Variants in RNF213 observed in about 807,000 individuals in gnomAD.
RNF213 encodes the protein E3 ubiquitin-protein ligase RNF213.
A neutral mutation model predicts 514.4 loss-of-function variants in RNF213; 341 were observed. That is an observed-to-expected ratio of 0.66 (90% CI 0.61 to 0.73). RNF213 has a LOEUF of 0.73. Ranked by LOEUF, RNF213 falls within the 30% of genes least tolerant of loss-of-function variation. The pLI is 0.00. For missense variants in RNF213, 5,767 were observed against 6,615.6 expected, an observed-to-expected ratio of 0.87 and a Z score of 4.45; for synonymous variants, 2,655 against 2,658.2, an observed-to-expected ratio of 1.00 and a Z score of 0.04.
At chr17:80,348,427 G>A (rs2078389947) in intron 29 of RNF213, 141 bp downstream of exon 29, 2 of 1,220,006 alleles carry the variant, frequency 1.6e-6, no homozygotes, top group Non-Finnish European at 2.4e-6. Context: ...CTCCTCCGCG[G>A]TAAGTGTGGG....
rs916155930 is a variant in RNF213, at chr17:80,393,775, TAAAC to T, written c.*278_*281del. On this transcript the variant is annotated 3_prime_UTR_variant, in exon 68 of 68. Transcript: ENST00000582970. ...AATGAAGATTAGATGAAATTGGAAATAAACCAACATTGTTTACATTCCAGGAGAC... is the reference window on the plus strand; with the variant it reads ...AATGAAGATTAGATGAAATTGGAAATCAACATTGTTTACATTCCAGGAGAC... 3 of 426,752 alleles carry T rather than the reference TAAAC, an allele frequency of 7.0e-6. No individual in the cohort carries two copies. The highest frequency in any genetic ancestry group is 6.9e-4 in the Middle Eastern group (1 of 1,440). The allele number at this position is 426,752 out of a possible 1,614,324, so 26.4% of individuals were successfully genotyped here.
intron 55 of RNF213, 31 bp from the exon 56 acceptor site, chr17:80,380,800 C>G (rs748318105): frequency 6.2e-7 from 1 of 1,614,100 alleles, no homozygotes; most frequent in Non-Finnish European, 8.5e-7. Context: ...CCAGCCTCAG[C>G]CTCTGTCTTG....
chr17:80,287,726 T>C, intron 3 of RNF213, 89 bp from the exon 4 acceptor site: 1 of 1,354,068 alleles, frequency 7.4e-7, no homozygotes, highest in Admixed American at 1.7e-5. Context: ...CTTGATGTAG[T>C]TGAGGAACGG....
In RNF213 at chr17:80,390,075, C is replaced by T. The variant is rs1447483396; in HGVS notation, c.15349C>T (p.Leu5117Phe). 1 of 1,614,226 alleles carries T rather than the reference C, an allele frequency of 6.2e-7. No homozygotes were observed. The highest frequency in any genetic ancestry group is 8.5e-7 in the Non-Finnish European group (1 of 1,180,040). ...ADLSPENAKL[L>F]STFLNQTGLD... ...TCTGAGCCCGGAAAATGCTAAGCTC[C>T]TCAGCACATTCCTAAATCAGACTGG... Residue 5117 changes from leucine (L) to phenylalanine (F), a missense_variant, in exon 67 of 68, where the codon CTC (leucine) becomes TTC (phenylalanine). Leu to Phe is a conservative substitution (Grantham distance 22). Coordinates refer to ENST00000582970, the MANE Select transcript of RNF213 (RefSeq NM_001256071.3).
chr17:80,374,004 C>CAAAAAAAAAAAAAA, intron 49 of RNF213, among the ~76,000 whole-genome samples: 1 of 96,208 alleles, frequency 1.0e-5, no homozygotes, highest in Non-Finnish European at 2.1e-5. Flanking sequence ...GACTCCGTCT[C>CAAAAAAAAAAAAAA]AAAAAAAAAA....
chr17:80,381,166 G>A, intron 56 of RNF213, 179 bp downstream of exon 56: 1 of 711,758 alleles, frequency 1.4e-6, no homozygotes. Flanking sequence ...TGATGGTATG[G>A]GGGGAACTAC....
At chr17:80,386,917 C>T (rs1345534580) in intron 63 of RNF213, 26 bp downstream of exon 63, 17 of 1,591,954 alleles carry the variant, frequency 1.1e-5, no homozygotes, top group South Asian at 1.0e-4. Context: ...GCCACTGCTG[C>T]TCATTTGGTG....
In RNF213 at chr17:80,376,294, CT is replaced by C. The variant is rs2079757209; in HGVS notation, c.13186-6del. Reference sequence around the variant, plus strand: ...TACATCTTAATGTTAAGTTTTTTTCCTGTCAGCAATGTGAAGCTGTGAGCAA... The same window carrying C: ...TACATCTTAATGTTAAGTTTTTTTCCGTCAGCAATGTGAAGCTGTGAGCAA... On this transcript the variant is annotated splice_region_variant and splice_polypyrimidine_tract_variant and intron_variant, in intron 51 of 67. Coordinates refer to ENST00000582970, the MANE Select transcript of RNF213 (RefSeq NM_001256071.3). 1 of 1,614,102 alleles carries C rather than the reference CT, an allele frequency of 6.2e-7. No homozygotes were observed. The highest frequency in any genetic ancestry group is 2.2e-5 in the East Asian group (1 of 44,884).
In RNF213 at chr17:80,385,568, T is replaced by C; in HGVS notation, c.14486T>C (p.Ile4829Thr). Reference sequence around the variant, plus strand: ...TTGAGGCAGCTGCTTCACAACAGGATCACAGTCTTTCTGTCCACATGGAAC... The same window carrying C: ...TTGAGGCAGCTGCTTCACAACAGGACCACAGTCTTTCTGTCCACATGGAAC... ...DGLRQLLHNRITVFLSTWNKL... is the reference protein window; with the variant it reads ...DGLRQLLHNRTTVFLSTWNKL... Residue 4829 changes from isoleucine (I) to threonine (T), a missense_variant, in exon 61 of 68, where the codon ATC (isoleucine) becomes ACC (threonine). By Grantham distance (89) the Ile-to-Thr change is moderately conservative. Transcript: ENST00000582970. 1.2e-6 allele frequency: 2 copies of C among 1,614,182 alleles called. No individual in the cohort carries two copies. Among genetic ancestry groups the C allele is most frequent in the Non-Finnish European group, 8.5e-7 (1 of 1,180,020 alleles).
At chr17:80,360,368 T>C in intron 38 of RNF213, 162 bp downstream of exon 38, 1 of 799,158 alleles carries the variant, frequency 1.3e-6, no homozygotes, top group East Asian at 2.7e-5. Context: ...CGTCACCGCG[T>C]CATTTTAAAG....
At position 80,317,114 on chromosome 17, in the gene RNF213, C is replaced by CT; in HGVS notation, c.2812-71dup. 6.7e-7 allele frequency: 1 copy of CT among 1,496,716 alleles called. No individual in the cohort carries two copies. The highest frequency in any genetic ancestry group is 2.3e-5 in the East Asian group (1 of 43,558). The allele number at this position is 1,496,716 out of a possible 1,614,324, so 92.7% of individuals were successfully genotyped here. A position where few individuals can be genotyped will look rare whatever the true frequency, so the allele number is the denominator to read the frequency against. On this transcript the variant is annotated intron_variant, in intron 15 of 67. Transcript: ENST00000582970. The surrounding 1 kb of genome is among the most constrained non-coding windows in gnomAD (Gnocchi z 4.1). ...TCTCTGTATTGCCGTAATGCTCTGT[C>CT]TTTCTCCTTTCATGGGAGTGTGCCG...
At position 80,398,568 on chromosome 17, in the gene RNF213, C is replaced by G. The variant is rs1261702178; in HGVS notation, c.*5070C>G. The G allele has an allele frequency of 1.3e-5, 2 of 152,170 alleles. No homozygotes were observed. The highest frequency in any genetic ancestry group is 2.9e-5 in the Non-Finnish European group (2 of 68,072). The allele number at this position is 152,170 out of a possible 1,614,324, so 9.4% of individuals were successfully genotyped here. On this transcript the variant is annotated 3_prime_UTR_variant, in exon 68 of 68. Coordinates refer to ENST00000582970, the MANE Select transcript of RNF213 (RefSeq NM_001256071.3). The stretch of plus-strand genomic sequence containing the variant: ...CAGGGTACCCACACCAGTTCCCGTA[C>G]ACAGACACTTGGTTACAGCTGGTTT...
Position 80,381,648 on chromosome 17 carries a change from C to T in RNF213, c.13899C>T (p.His4633=), listed in dbSNP as rs553941575. 3.1e-5 allele frequency: 50 copies of T among 1,614,258 alleles called. No homozygotes were observed. The South Asian group carries it at 3.4e-4, about 11-fold the overall frequency. The change falls in exon 57 of 68, where the codon CAC becomes CAT. Residue 4633 remains histidine (H), a synonymous_variant. Transcript: ENST00000582970. ...AGCAGTTGGCCAAGATGCTGGGACACAGTGCCGACGAGACCATCGGCGTGG... is the reference window on the plus strand; with the variant it reads ...AGCAGTTGGCCAAGATGCTGGGACATAGTGCCGACGAGACCATCGGCGTGG... ...DLEQLAKMLG[H]SADETIGVVH...
chr17:80,365,764 A>G (rs2079242909), intron 42 of RNF213, among the ~76,000 whole-genome samples: 2 of 152,138 alleles, frequency 1.3e-5, no homozygotes, highest in Non-Finnish European at 1.5e-5. Context: ...CCCACACAGC[A>G]TGCAGCCTCT....
intron 13 of RNF213, among the ~76,000 whole-genome samples, chr17:80,307,830 G>A (rs995284530): frequency 2.7e-5 from 4 of 150,664 alleles, no homozygotes; most frequent in Non-Finnish European, 4.4e-5. Flanking sequence ...GATTACAGGC[G>A]TGAGCCACCA....
At chr17:80,350,278 G>C in intron 30 of RNF213, 23 bp from the exon 31 acceptor site, 1 of 1,425,538 alleles carries the variant, frequency 7.0e-7, no homozygotes, top group Non-Finnish European at 9.9e-7. Context: ...GAACTCACTT[G>C]AATAACTTCC....
chr17:80,273,870 T>A (rs978831321), intron 3 of RNF213, among the ~76,000 whole-genome samples: 1 of 152,012 alleles, frequency 6.6e-6, no homozygotes, highest in African/African-American at 2.4e-5. Flanking sequence ...TCCACCCACC[T>A]CGGCCTCCCA....
chr17:80,370,551 T>C (rs1000193696), intron 46 of RNF213, among the ~76,000 whole-genome samples: 8 of 152,240 alleles, frequency 5.3e-5, no homozygotes, highest in African/African-American at 1.9e-4. Flanking sequence ...TATTGTTTTC[T>C]TCACCGCCAT....
chr17:80,358,829 A>C (rs1020002555), intron 37 of RNF213, among the ~76,000 whole-genome samples: 1 of 152,120 alleles, frequency 6.6e-6, no homozygotes, highest in African/African-American at 2.4e-5. Context: ...GAATTGCTTG[A>C]ACCTGGGAGG....
Sources: allele counts gnomAD v4.1 joint callset (sites outside exome capture counted in the v4.1 genomes callset), GRCh38; gene constraint gnomAD v4.1.1; non-coding constraint Gnocchi (gnomAD v3.1); transcripts MANE v1.5; gene names NCBI Gene and HGNC (gene_info 2026-07-23, HGNC 2026-07-21).